Variants in MAP4K5 observed in about 807,000 individuals in gnomAD.
The protein encoded by MAP4K5 is mitogen-activated protein kinase kinase kinase kinase 5.
Under a neutral mutation model 135.6 loss-of-function variants are expected in MAP4K5, and 82 were observed. The ratio of observed to expected loss-of-function variants is 0.60; its 90% CI spans 0.51 to 0.73. The LOEUF is 0.73. Among genes scored for constraint, MAP4K5 ranks in the 30% least tolerant of loss-of-function variants. The pLI, the probability that MAP4K5 is intolerant of heterozygous loss-of-function variation, is 0.00. For missense variants in MAP4K5, 907 were observed against 1,010.9 expected, an observed-to-expected ratio of 0.90 and a Z score of 1.39; for synonymous variants, 347 against 335.0, an observed-to-expected ratio of 1.04 and a Z score of -0.39.
At chr14:50,554,110 T>A (rs200064971) in intron 1 of MAP4K5, among the ~76,000 whole-genome samples, 1 of 112,502 alleles carries the variant, frequency 8.9e-6, no homozygotes, top group Non-Finnish European at 1.8e-5. Flanking sequence ...TTTTAAAAAG[T>A]TTTTTTTTTT....
chr14:50,517,859 A>C (rs181320563), intron 2 of MAP4K5, among the ~76,000 whole-genome samples: 40 of 152,342 alleles, frequency 2.6e-4, no homozygotes, highest in Admixed American at 1.2e-3. Context: ...GAGTAAAGAA[A>C]GTGCTTCATT....
chr14:50,485,647 T>TATA lies in MAP4K5; in HGVS notation c.258-6_258-5insTAT. 6.6e-7 allele frequency: 1 copy of TATA among 1,517,716 alleles called. No homozygotes were observed. The highest frequency in any genetic ancestry group is 8.9e-7 in the Non-Finnish European group (1 of 1,122,796). The allele number at this position is 1,517,716 out of a possible 1,614,324, so 94.0% of individuals were successfully genotyped here. On this transcript the variant is annotated splice_region_variant and splice_polypyrimidine_tract_variant and intron_variant, in intron 4 of 32. Coordinates refer to ENST00000682126, the MANE Select transcript of MAP4K5 (RefSeq NM_006575.6). Reference sequence around the variant, plus strand: ...CAAATCCATAGTTTTTCCCGACTAATACAAAAAAAAAAGAAAATTATATTA... The same window carrying TATA: ...CAAATCCATAGTTTTTCCCGACTAATATAACAAAAAAAAAAGAAAATTATATTA...
intron 11 of MAP4K5, 26 bp downstream of exon 11, chr14:50,466,557 A>T: frequency 8.5e-7 from 1 of 1,173,320 alleles, no homozygotes; most frequent in Non-Finnish European, 1.2e-6. Context: ...GTAAAATTCT[A>T]TAAAACTATA....
At chr14:50,489,001 A>C (rs551584984) in intron 3 of MAP4K5, among the ~76,000 whole-genome samples, 1 of 152,326 alleles carries the variant, frequency 6.6e-6, no homozygotes, top group East Asian at 1.9e-4. Context: ...TTGATGGCCT[A>C]CATCAGCCTC....
intron 5 of MAP4K5, among the ~76,000 whole-genome samples, chr14:50,483,839 T>TTTATTTATTTA (rs1208021952): frequency 3.2e-5 from 1 of 30,842 alleles, no homozygotes; most frequent in East Asian, 2.8e-3. Flanking sequence ...AGCAATTCCA[T>TTTATTTATTTA]TTATTTATTT....
chr14:50,444,632 T>G (rs938066595), intron 18 of MAP4K5, among the ~76,000 whole-genome samples: 1 of 152,174 alleles, frequency 6.6e-6, no homozygotes, highest in South Asian at 2.1e-4. Context: ...TTCCCCATCT[T>G]TATCTCCCTC....
At chr14:50,482,550 A>C in intron 5 of MAP4K5, 134 bp from the exon 6 acceptor site, 1 of 567,312 alleles carries the variant, frequency 1.8e-6, no homozygotes, top group Non-Finnish European at 3.1e-6. Context: ...AGGCCAAGGC[A>C]GGCGGATCAC....
chr14:50,487,345 T>C (rs768529659), intron 3 of MAP4K5, among the ~76,000 whole-genome samples: 1 of 143,598 alleles, frequency 7.0e-6, no homozygotes, highest in African/African-American at 2.5e-5. Context: ...ATACATTTAG[T>C]TTAACTATTA....
At chr14:50,469,003 G>T (rs917498723) in intron 9 of MAP4K5, among the ~76,000 whole-genome samples, 2 of 152,082 alleles carry the variant, frequency 1.3e-5, no homozygotes, top group Non-Finnish European at 2.9e-5. Flanking sequence ...GAATGTTTAT[G>T]CTCTAAGGAA....
chr14:50,529,392 A>C (rs992295153), intron 2 of MAP4K5, among the ~76,000 whole-genome samples: 1 of 152,128 alleles, frequency 6.6e-6, no homozygotes, highest in Non-Finnish European at 1.5e-5. Context: ...GTATCCAAAC[A>C]AACAGACAAA....
At position 50,560,478 on chromosome 14, in the gene MAP4K5, C is replaced by A. The variant is rs1386522405; in HGVS notation, c.-180+562G>T. ...AGGAACCATGGCCGAGCGGTACCCG[C>A]GTCACCGAATCGCGCTGTCGGGGTG... is the stretch of plus-strand genomic sequence containing the variant. On this transcript the variant is annotated intron_variant, in intron 1 of 8. Transcript: ENST00000555216. 4 of 811,264 alleles carry A rather than the reference C, an allele frequency of 4.9e-6. No homozygotes were observed. In the South Asian group the frequency reaches 5.0e-5, roughly 10 times the overall value. The allele number at this position is 811,264 out of a possible 1,614,324, so 50.3% of individuals were successfully genotyped here. A position where few individuals can be genotyped will look rare whatever the true frequency, so the allele number is the denominator to read the frequency against.
chr14:50,433,633 T>C (rs965364074), intron 28 of MAP4K5, among the ~76,000 whole-genome samples: 1 of 152,228 alleles, frequency 6.6e-6, no homozygotes, highest in African/African-American at 2.4e-5. Context: ...TAAGAAGCAT[T>C]AAGCATCAAA....
intron 2 of MAP4K5, among the ~76,000 whole-genome samples, chr14:50,512,064 CA>C (rs1566687492): frequency 6.6e-6 from 1 of 152,018 alleles, no homozygotes; most frequent in Non-Finnish European, 1.5e-5. Flanking sequence ...AATAATATAT[CA>C]ATATTGGTTC....
At chr14:50,443,160 G>C (rs2139709810) in intron 20 of MAP4K5, among the ~76,000 whole-genome samples, 1 of 152,236 alleles carries the variant, frequency 6.6e-6, no homozygotes, top group South Asian at 2.1e-4. Context: ...TAACATTATA[G>C]TGATTACAAT....
At chr14:50,450,655 G>T (rs1410419828) in intron 14 of MAP4K5, 1 of 152,222 alleles carries the variant, frequency 6.6e-6, no homozygotes, top group Non-Finnish European at 1.5e-5. Context: ...CAAAGCAAGA[G>T]TATGCAAGTT....
At chr14:50,443,838 G>T (rs2036282083) in intron 19 of MAP4K5, 68 bp from the exon 20 acceptor site, 2 of 1,504,532 alleles carry the variant, frequency 1.3e-6, no homozygotes, top group African/African-American at 1.4e-5. Flanking sequence ...GAGACATTTA[G>T]AACTTCTGTT....
chr14:50,426,596 T>A (rs2144971), intron 30 of MAP4K5, among the ~76,000 whole-genome samples: 1 of 152,162 alleles, frequency 6.6e-6, no homozygotes, highest in African/African-American at 2.4e-5. Flanking sequence ...TGGTGGCCTG[T>A]GCCTGTAGCC....
intron 14 of MAP4K5, among the ~76,000 whole-genome samples, chr14:50,454,800 GT>G (rs113861173): frequency 1.3e-5 from 2 of 150,752 alleles, no homozygotes; most frequent in Non-Finnish European, 3.0e-5. Context: ...GAATTTTTCT[GT>G]TTTTTTTTAA....
chr14:50,496,846 A>C (rs1413653811), intron 3 of MAP4K5, among the ~76,000 whole-genome samples: 1 of 151,880 alleles, frequency 6.6e-6, no homozygotes, highest in Non-Finnish European at 1.5e-5. Context: ...AAATAAAAAT[A>C]AAAACTTTTA....
Sources: allele counts gnomAD v4.1 joint callset (sites outside exome capture counted in the v4.1 genomes callset), GRCh38; gene constraint gnomAD v4.1.1; transcripts MANE v1.5; gene names NCBI Gene and HGNC (gene_info 2026-07-23, HGNC 2026-07-21).